PEMT: variants seen among roughly 807,000 people sequenced by gnomAD.
PEMT encodes phospholipid methyltransferase.
A neutral mutation model predicts 27.4 loss-of-function variants in PEMT; 23 were observed. The observed-to-expected ratio is 0.84, with a 90% CI of 0.60 to 1.19. The LOEUF (loss-of-function observed/expected upper bound fraction) is 1.19, where lower values mean the gene tolerates loss of function less well. PEMT is among the 50% of genes most tolerant of loss of function. The pLI is 0.00. For missense variants in PEMT, 307 were observed against 310.1 expected (o/e 0.99, Z 0.07); for synonymous variants, 137 against 139.1 (o/e 0.98, Z 0.11).
rs951364080 is a variant in PEMT at position 17,512,735 on chromosome 17, C to T, written c.321-81G>A. ...CGGGAGGAGGCCGACCTCATCTTCT[C>T]GCCCTCTCCCCAGGGACCCTTAGAG... is the stretch of plus-strand genomic sequence containing the variant. On this transcript the variant is annotated intron_variant, in intron 3 of 6. Transcript: ENST00000255389. This position sits in a 1 kb window ranked among gnomAD's most constrained non-coding sequence, Gnocchi z 6.3. 2 of 1,333,270 alleles carry T rather than the reference C, an allele frequency of 1.5e-6. No homozygotes were observed. The highest frequency in any genetic ancestry group is 1.8e-5 in the South Asian group (1 of 55,112). The allele number at this position is 1,333,270 out of a possible 1,614,324, so 82.6% of individuals were successfully genotyped here.
chr17:17,527,159 T>C (rs1907728962), intron 2 of PEMT, among the ~76,000 whole-genome samples: 1 of 152,174 alleles, frequency 6.6e-6, no homozygotes, highest in Non-Finnish European at 1.5e-5. Flanking sequence ...TGCCTCAGCC[T>C]CCCGAGTAGC....
chr17:17,509,323 C>A, intron 5 of PEMT, 111 bp downstream of exon 5: 1 of 699,728 alleles, frequency 1.4e-6, no homozygotes, highest in South Asian at 1.9e-5. Context: ...ACAAATGACA[C>A]GTTCTTCCTT....
intron 1 of PEMT, 41 bp downstream of exon 1, chr17:17,591,490 T>A (rs1912587306): frequency 2.0e-6 from 3 of 1,517,374 alleles, no homozygotes; most frequent in Non-Finnish European, 2.7e-6. Flanking sequence ...GCCTTGCAGA[T>A]CCCTCTCCCA....
chr17:17,516,352 C>A (rs913076036), intron 3 of PEMT, among the ~76,000 whole-genome samples: 5 of 151,788 alleles, frequency 3.3e-5, no homozygotes, highest in Admixed American at 3.3e-4. Context: ...GCTTGAATTT[C>A]GGGCTTTGAC....
intron 2 of PEMT, among the ~76,000 whole-genome samples, chr17:17,527,638 C>A (rs534110156): frequency 2.0e-5 from 3 of 152,366 alleles, no homozygotes; most frequent in Non-Finnish European, 2.9e-5. Flanking sequence ...CGATACTACA[C>A]CAGGCACATG....
In PEMT at chr17:17,586,296, A is replaced by G. The variant is rs867639826; in HGVS notation, c.96+5235T>C. On this transcript the variant is annotated intron_variant, in intron 1 of 6. Transcript: ENST00000255389. Reference sequence around the variant, plus strand: ...AGAAAGAAAGAAAGAAAGAAAAAAAAAAACGCAGGTGGAAAATCGGGAGGA... The same window carrying G: ...AGAAAGAAAGAAAGAAAGAAAAAAAGAAACGCAGGTGGAAAATCGGGAGGA... Among the ~76,000 whole-genome samples the G allele has an allele frequency of 2.9e-4, 41 of 142,016 alleles. 1 individual carries two copies. Among genetic ancestry groups the G allele is most frequent in the African/African-American group, 7.3e-4 (28 of 38,126 alleles). 93.2% of individuals were successfully genotyped at this position (142,016 alleles called of 152,430 possible). A position where few individuals can be genotyped will look rare whatever the true frequency, so the allele number is the denominator to read the frequency against.
chr17:17,591,792 C>T, upstream of PEMT: 3 of 1,424,728 alleles, frequency 2.1e-6, no homozygotes, highest in Non-Finnish European at 2.7e-6. Context: ...CGCGAAGTGC[C>T]TCTTTATCTG....
chr17:17,586,062 G>A (rs1481583118), intron 1 of PEMT, among the ~76,000 whole-genome samples: 3 of 139,948 alleles, frequency 2.1e-5, no homozygotes, highest in Non-Finnish European at 3.0e-5. Context: ...CAGCCTGGGC[G>A]ACAGAGCGAG....
chr17:17,586,281 AAAGAAAG>A (rs1388849809), intron 1 of PEMT, among the ~76,000 whole-genome samples: 3,153 of 97,274 alleles, frequency 0.032, 198 homozygotes, highest in Non-Finnish European at 0.045. Flanking sequence ...AGAAAGAAAG[AAAGAAAG>A]AAAAAAAAAA....
At chr17:17,585,955 C>T (rs1362802445) in intron 1 of PEMT, among the ~76,000 whole-genome samples, 5 of 151,214 alleles carry the variant, frequency 3.3e-5, no homozygotes, top group African/African-American at 1.2e-4. Flanking sequence ...TGGTGGCAGG[C>T]GCCTGTAGTC....
chr17:17,584,915 G>C (rs1037750340), intron 1 of PEMT, among the ~76,000 whole-genome samples: 57 of 152,234 alleles, frequency 3.7e-4, no homozygotes, highest in African/African-American at 1.3e-3. Flanking sequence ...GATTAAATGA[G>C]AAAGTGCAAG....
chr17:17,546,173 T>C (rs1420481842), intron 2 of PEMT, among the ~76,000 whole-genome samples: 3 of 152,162 alleles, frequency 2.0e-5, no homozygotes, highest in African/African-American at 7.2e-5. Context: ...TCCAGTGGCC[T>C]GGGCTAGAAG....
At chr17:17,541,490 C>T (rs1304675544) in intron 2 of PEMT, among the ~76,000 whole-genome samples, 3 of 152,330 alleles carry the variant, frequency 2.0e-5, no homozygotes, top group Admixed American at 6.5e-5. Context: ...GCAGCAGCAG[C>T]GGGGCATGGG....
intron 1 of PEMT, among the ~76,000 whole-genome samples, chr17:17,585,576 T>G (rs1017182001): frequency 1.3e-5 from 2 of 152,170 alleles, no homozygotes; most frequent in Admixed American, 6.5e-5. Flanking sequence ...CACCCCGCTC[T>G]TAATCAGTGG....
intron 2 of PEMT, among the ~76,000 whole-genome samples, chr17:17,544,173 C>T (rs1205409941): frequency 6.6e-6 from 1 of 152,102 alleles, no homozygotes; most frequent in Non-Finnish European, 1.5e-5. Flanking sequence ...GAGGAAAGAA[C>T]TTTATTTTAT....
At chr17:17,518,470 G>A (rs1023653850) in intron 3 of PEMT, among the ~76,000 whole-genome samples, 2 of 152,234 alleles carry the variant, frequency 1.3e-5, no homozygotes, top group Non-Finnish European at 2.9e-5. Flanking sequence ...ACAGGTCTGT[G>A]CTAATGGCCC....
chr17:17,539,411 T>G (rs1389285507), intron 2 of PEMT, among the ~76,000 whole-genome samples: 1 of 152,168 alleles, frequency 6.6e-6, no homozygotes, highest in African/African-American at 2.4e-5. Context: ...CTGTGTTCCA[T>G]CCCGTTTCCC....
intron 2 of PEMT, among the ~76,000 whole-genome samples, chr17:17,575,233 G>A (rs1041090482): frequency 6.6e-6 from 1 of 152,132 alleles, no homozygotes; most frequent in African/African-American, 2.4e-5. Context: ...ATGGTGACAA[G>A]AGACACTCCT....
intron 2 of PEMT, among the ~76,000 whole-genome samples, chr17:17,549,020 ATTC>A (rs918142814): frequency 7.9e-5 from 12 of 151,794 alleles, no homozygotes; most frequent in African/African-American, 2.4e-4. Flanking sequence ...CAGCCATGGA[ATTC>A]TTTTTTTTTT....
Sources: allele counts gnomAD v4.1 joint callset (sites outside exome capture counted in the v4.1 genomes callset), GRCh38; gene constraint gnomAD v4.1.1; non-coding constraint Gnocchi (gnomAD v3.1); transcripts MANE v1.5; gene names NCBI Gene and HGNC (gene_info 2026-07-23, HGNC 2026-07-21).